The following SMYD3 variants were observed in gnomAD, a reference collection of about 807,000 sequenced individuals.
SMYD3 encodes histone-lysine N-methyltransferase SMYD3.
A neutral mutation model predicts 57.7 loss-of-function variants in SMYD3; 36 were observed. The ratio of observed to expected loss-of-function variants is 0.62; its 90% CI spans 0.48 to 0.82. SMYD3 has a LOEUF of 0.82. Ranked by LOEUF, SMYD3 falls within the 40% of genes least tolerant of loss-of-function variation. The pLI is 0.00. For synonymous variants in SMYD3, 211 were observed against 195.0 expected (o/e 1.08, Z -0.68); for missense variants, 515 against 538.8 (o/e 0.96, Z 0.44).
intron 1 of SMYD3, among the ~76,000 whole-genome samples, chr1:246,495,820 C>A (rs2068351825): frequency 6.6e-6 from 1 of 151,560 alleles, no homozygotes; most frequent in South Asian, 2.1e-4. Flanking sequence ...GGGGTGGTGG[C>A]ACGCATCTGT....
chr1:246,176,290 G>A (rs1391644146), intron 5 of SMYD3, among the ~76,000 whole-genome samples: 1 of 152,110 alleles, frequency 6.6e-6, no homozygotes. Context: ...AGTGGATCCA[G>A]GCCATTCCTA....
At chr1:246,495,896 C>G (rs921309553) in intron 1 of SMYD3, among the ~76,000 whole-genome samples, 1 of 151,750 alleles carries the variant, frequency 6.6e-6, no homozygotes, top group African/African-American at 2.4e-5. Context: ...ACCTGGGAGG[C>G]GAAGGCTGCA....
chr1:246,195,810 C>A (rs753678201), intron 5 of SMYD3, among the ~76,000 whole-genome samples: 3 of 152,112 alleles, frequency 2.0e-5, no homozygotes, highest in African/African-American at 7.2e-5. Context: ...ATAGCTCAAC[C>A]GGAGGTTAGG....
intron 11 of SMYD3, among the ~76,000 whole-genome samples, chr1:245,753,012 C>G (rs1252097834): frequency 6.6e-6 from 1 of 152,180 alleles, no homozygotes; most frequent in East Asian, 1.9e-4. Flanking sequence ...CTGGACATGG[C>G]TGCAGAGATA....
intron 8 of SMYD3, among the ~76,000 whole-genome samples, chr1:245,869,450 A>G (rs2052053903): frequency 6.6e-6 from 1 of 152,160 alleles, no homozygotes; most frequent in Admixed American, 6.5e-5. Context: ...CTGCTATGTA[A>G]CCACTCTAGT....
intron 10 of SMYD3, among the ~76,000 whole-genome samples, chr1:245,829,077 T>A (rs2049683403): frequency 6.7e-6 from 1 of 149,976 alleles, no homozygotes; most frequent in African/African-American, 2.5e-5. Context: ...CTGGCTTTTT[T>A]TTTTTTTTTT....
In SMYD3 at chr1:246,372,539, G is replaced by A. The variant is rs547145178; in HGVS notation, c.165-17445C>T. Among the ~76,000 whole-genome samples, 3 of 152,326 alleles carry A rather than the reference G, an allele frequency of 2.0e-5. No individual in the cohort carries two copies. The South Asian group carries it at 6.2e-4, about 32-fold the overall frequency. On this transcript the variant is annotated intron_variant, in intron 1 of 11. Transcript: ENST00000490107. ...CCACTTAGCTGAGATTTTAGGAATA[G>A]AGATTTTGCATAGAGTAGGTACAGA...
intron 5 of SMYD3, among the ~76,000 whole-genome samples, chr1:246,216,587 T>C (rs1039272141): frequency 6.6e-6 from 1 of 152,158 alleles, no homozygotes; most frequent in Non-Finnish European, 1.5e-5. Flanking sequence ...GTTTTTAGAA[T>C]GCTAACAATT....
At chr1:246,459,226 G>C (rs61839804) in intron 1 of SMYD3, among the ~76,000 whole-genome samples, 2 of 150,144 alleles carry the variant, frequency 1.3e-5, no homozygotes, top group Non-Finnish European at 3.0e-5. Flanking sequence ...TGTGTGACAC[G>C]TCCCCCTTCA....
At chr1:245,924,654 G>GGTTTTTTT (rs1558499827) in intron 7 of SMYD3, among the ~76,000 whole-genome samples, 1 of 115,128 alleles carries the variant, frequency 8.7e-6, no homozygotes. Flanking sequence ...CTCTATTCCA[G>GGTTTTTTT]CTTTTTTTTT....
intron 5 of SMYD3, among the ~76,000 whole-genome samples, chr1:246,037,704 C>T (rs1012156583): frequency 6.6e-6 from 1 of 152,214 alleles, no homozygotes; most frequent in Non-Finnish European, 1.5e-5. Flanking sequence ...TCCCCAAAAT[C>T]CTGCCCTCAC....
chr1:245,754,695 C>T (rs1271501419), intron 11 of SMYD3, among the ~76,000 whole-genome samples: 1 of 152,186 alleles, frequency 6.6e-6, no homozygotes, highest in Non-Finnish European at 1.5e-5. Flanking sequence ...GTGTGTATTC[C>T]GCTGGAGGAA....
intron 1 of SMYD3, among the ~76,000 whole-genome samples, chr1:246,359,586 C>T (rs2065957546): frequency 6.6e-6 from 1 of 152,096 alleles, no homozygotes; most frequent in Non-Finnish European, 1.5e-5. Flanking sequence ...CTAACTGAAT[C>T]CAGCAGCACA....
At chr1:246,265,055 TC>T (rs150923954) in intron 5 of SMYD3, among the ~76,000 whole-genome samples, 3,683 of 152,334 alleles carry the variant, frequency 0.024, 148 homozygotes, top group African/African-American at 0.083. Context: ...TGCTAGCTTT[TC>T]TTTTTTGATT....
chr1:246,339,265 T>C (rs1215693400), intron 2 of SMYD3, among the ~76,000 whole-genome samples: 1 of 152,202 alleles, frequency 6.6e-6, no homozygotes, highest in Non-Finnish European at 1.5e-5. Context: ...AGTGACTCTA[T>C]GTATAGGTGC....
chr1:246,402,264 A>G (rs1356358235), intron 1 of SMYD3, among the ~76,000 whole-genome samples: 2 of 148,182 alleles, frequency 1.3e-5, no homozygotes, highest in Admixed American at 1.5e-4. Flanking sequence ...CAAATTTATT[A>G]TTAAACTTGC....
intron 5 of SMYD3, among the ~76,000 whole-genome samples, chr1:246,237,135 T>C (rs1367150875): frequency 6.6e-6 from 1 of 152,130 alleles, no homozygotes; most frequent in Non-Finnish European, 1.5e-5. Context: ...CATAGAAACA[T>C]GAGTAGGCGC....
At chr1:246,199,834 G>A (rs1276019319) in intron 5 of SMYD3, among the ~76,000 whole-genome samples, 2 of 152,262 alleles carry the variant, frequency 1.3e-5, no homozygotes, top group Non-Finnish European at 2.9e-5. Context: ...AGAGAAGATG[G>A]AGAACAGCGT....
intron 5 of SMYD3, among the ~76,000 whole-genome samples, chr1:246,094,864 G>A (rs995464072): frequency 6.6e-6 from 1 of 152,018 alleles, no homozygotes; most frequent in Non-Finnish European, 1.5e-5. Flanking sequence ...TCTGCTGAGC[G>A]TATCTCGGAG....
Sources: gnomAD v4.1 joint callset for allele counts (sites outside exome capture counted in the v4.1 genomes callset) on GRCh38, gnomAD v4.1.1 for gene constraint, MANE v1.5 for transcripts, NCBI Gene and HGNC (gene_info 2026-07-23, HGNC 2026-07-21) for gene names.